The following GABBR2 variants were observed in gnomAD, a reference collection of about 807,000 sequenced individuals.
GABBR2 encodes the protein gamma-aminobutyric acid type B receptor subunit 2.
In GABBR2, 23 loss-of-function variants were observed where a neutral mutation model predicts 105.6. That is an observed-to-expected ratio of 0.22 (90% CI 0.16 to 0.31). The LOEUF is 0.31. GABBR2 is among the 10% of genes least tolerant of loss of function. The pLI is 1.00. For synonymous variants in GABBR2, 478 were observed against 499.7 expected (o/e 0.96, Z 0.58); for missense variants, 734 against 1,245.5 (o/e 0.59, Z 6.18).
intron 13 of GABBR2, among the ~76,000 whole-genome samples, chr9:98,329,769 T>C (rs1478928355): frequency 2.6e-5 from 4 of 152,068 alleles, no homozygotes; most frequent in African/African-American, 7.2e-5. Context: ...CCTTGTGTAT[T>C]CTCCTCCAGG....
intron 4 of GABBR2, among the ~76,000 whole-genome samples, chr9:98,493,591 T>C (rs1303870452): frequency 6.6e-6 from 1 of 152,248 alleles, no homozygotes; most frequent in African/African-American, 2.4e-5. Flanking sequence ...AATTCTGCTC[T>C]CTACTACCTC....
chr9:98,387,094 G>T (rs1832086847), intron 10 of GABBR2, among the ~76,000 whole-genome samples: 1 of 152,156 alleles, frequency 6.6e-6, no homozygotes, highest in Non-Finnish European at 1.5e-5. Context: ...GAGCCTGGGG[G>T]TTGGGGCAGG....
At chr9:98,518,040 G>T (rs1260004428) in intron 3 of GABBR2, among the ~76,000 whole-genome samples, 3 of 152,248 alleles carry the variant, frequency 2.0e-5, no homozygotes, top group African/African-American at 7.2e-5. Context: ...CCCAGGAGGA[G>T]TCAGAAAGAA....
chr9:98,354,616 A>G (rs1251429044), intron 13 of GABBR2, among the ~76,000 whole-genome samples: 2 of 152,240 alleles, frequency 1.3e-5, no homozygotes, highest in Non-Finnish European at 2.9e-5. Context: ...CTCATGAACC[A>G]GCCTCTGTTA....
intron 1 of GABBR2, among the ~76,000 whole-genome samples, chr9:98,675,949 T>C (rs1830471695): frequency 6.6e-6 from 1 of 152,224 alleles, no homozygotes; most frequent in African/African-American, 2.4e-5. Context: ...ATAAAACCTC[T>C]TCTCACCTGT....
At chr9:98,309,963 G>A (rs1012927057) in intron 14 of GABBR2, among the ~76,000 whole-genome samples, 1 of 152,200 alleles carries the variant, frequency 6.6e-6, no homozygotes, top group Non-Finnish European at 1.5e-5. Context: ...ATGCATTTGA[G>A]CAGCACAAGA....
chr9:98,571,721 TG>T (rs2131774157), intron 2 of GABBR2, among the ~76,000 whole-genome samples: 1 of 152,322 alleles, frequency 6.6e-6, no homozygotes, highest in East Asian at 1.9e-4. Flanking sequence ...ACAGCAGGCC[TG>T]GCTGAAACTG....
intron 1 of GABBR2, among the ~76,000 whole-genome samples, chr9:98,628,608 C>A (rs1277880779): frequency 6.6e-6 from 1 of 152,078 alleles, no homozygotes; most frequent in African/African-American, 2.4e-5. Flanking sequence ...CGCTGCTGTA[C>A]TTGACTTTTC....
At chr9:98,294,764 C>A (rs753654514) in intron 17 of GABBR2, among the ~76,000 whole-genome samples, 1 of 152,046 alleles carries the variant, frequency 6.6e-6, no homozygotes, top group Non-Finnish European at 1.5e-5. Flanking sequence ...AGGTGTGAGC[C>A]GCTGCGCCCA....
At chr9:98,534,473 GC>G (rs1272129916) in intron 3 of GABBR2, among the ~76,000 whole-genome samples, 8 of 152,200 alleles carry the variant, frequency 5.3e-5, no homozygotes, top group Admixed American at 5.2e-4. Context: ...AATAACAGCT[GC>G]CCCTTGCATG....
rs949547260 is a variant in GABBR2 at position 98,288,669 on chromosome 9, G to A, written c.*1915C>T. On this transcript the variant is annotated 3_prime_UTR_variant, in exon 19 of 19. Coordinates refer to ENST00000259455, the MANE Select transcript of GABBR2 (RefSeq NM_005458.8). Reference sequence around the variant, plus strand: ...AGCAAGTAAATACTGGTAATACACAGTGAGTGACAACACCGATTTTTAGTG... The same window carrying A: ...AGCAAGTAAATACTGGTAATACACAATGAGTGACAACACCGATTTTTAGTG... 16 of 152,598 alleles carry A rather than the reference G, an allele frequency of 1.0e-4. 1 individual carries two copies. The highest frequency in any genetic ancestry group is 1.6e-4 in the Non-Finnish European group (11 of 68,030). 9.5% of individuals were successfully genotyped at this position (152,598 alleles called of 1,614,324 possible). A position where few individuals can be genotyped will look rare whatever the true frequency, so the allele number is the denominator to read the frequency against.
chr9:98,629,995 G>A (rs1829795449), intron 1 of GABBR2, among the ~76,000 whole-genome samples: 1 of 151,534 alleles, frequency 6.6e-6, no homozygotes, highest in African/African-American at 2.4e-5. Context: ...CACTTTTGTG[G>A]GCTTCTAAAA....
intron 7 of GABBR2, among the ~76,000 whole-genome samples, chr9:98,430,196 A>AG (rs957827439): frequency 6.7e-6 from 1 of 149,864 alleles, no homozygotes; most frequent in African/African-American, 2.5e-5. Flanking sequence ...AGGCTGAGGC[A>AG]GGGGAATCGC....
chr9:98,606,343 C>T (rs1201338963), intron 1 of GABBR2, among the ~76,000 whole-genome samples: 3 of 152,300 alleles, frequency 2.0e-5, no homozygotes, highest in South Asian at 2.1e-4. Context: ...CCTGAGGAAT[C>T]GCCACACTGT....
At chr9:98,571,865 G>A (rs551663500) in intron 2 of GABBR2, among the ~76,000 whole-genome samples, 17 of 152,304 alleles carry the variant, frequency 1.1e-4, no homozygotes, top group Admixed American at 3.9e-4. Context: ...AACTTTGGCC[G>A]TGGCTCCTGC....
intron 1 of GABBR2, among the ~76,000 whole-genome samples, chr9:98,671,259 T>G (rs1830403561): frequency 6.6e-6 from 1 of 152,324 alleles, no homozygotes; most frequent in African/African-American, 2.4e-5. Flanking sequence ...CCACAGGATC[T>G]TATGTGACTG....
intron 1 of GABBR2, among the ~76,000 whole-genome samples, chr9:98,602,614 C>G (rs1308189837): frequency 6.6e-6 from 1 of 152,130 alleles, no homozygotes; most frequent in African/African-American, 2.4e-5. Flanking sequence ...TTTAATATCG[C>G]TCAGGAAGCA....
At chr9:98,475,241 C>T (rs1049709835) in intron 5 of GABBR2, among the ~76,000 whole-genome samples, 1 of 151,766 alleles carries the variant, frequency 6.6e-6, no homozygotes, top group Non-Finnish European at 1.5e-5. Flanking sequence ...ATGGAAAATA[C>T]AGAAAACTCT....
chr9:98,561,677 G>A (rs550314834), intron 2 of GABBR2, among the ~76,000 whole-genome samples: 1 of 152,192 alleles, frequency 6.6e-6, no homozygotes, highest in African/African-American at 2.4e-5. Context: ...GAGCCTAGGA[G>A]TTTGAATCCA....
Sources: gnomAD v4.1 joint callset for allele counts (sites outside exome capture counted in the v4.1 genomes callset) on GRCh38, gnomAD v4.1.1 for gene constraint, MANE v1.5 for transcripts, NCBI Gene and HGNC (gene_info 2026-07-23, HGNC 2026-07-21) for gene names.